ZNF485: variants seen among roughly 807,000 people sequenced by gnomAD.
ZNF485 encodes zinc finger protein 485, also known as Zinc finger protein 93 (Zinc finger protein HTF34).
In ZNF485, 9 loss-of-function variants were observed where a neutral mutation model predicts 10.8. The ratio of observed to expected loss-of-function variants is 0.83; its 90% CI spans 0.50 to 1.45. The LOEUF is 1.45. Among genes scored for constraint, ZNF485 ranks in the 40% most tolerant of loss-of-function variants. The pLI, the probability that ZNF485 is intolerant of heterozygous loss-of-function variation, is 0.00. For synonymous variants in ZNF485, 187 were observed against 181.0 expected, an observed-to-expected ratio of 1.03 and a Z score of -0.27; for missense variants, 487 against 528.0, an observed-to-expected ratio of 0.92 and a Z score of 0.76.
chr10:43,608,081 G>A (rs1838688153), intron 2 of ZNF485, among the ~76,000 whole-genome samples: 1 of 152,116 alleles, frequency 6.6e-6, no homozygotes, highest in Admixed American at 6.5e-5. Flanking sequence ...CCCAGAGTCA[G>A]ATCATACTCC....
chr10:43,616,669 CT>C lies in ZNF485; in HGVS notation c.627del (p.Arg210GlyfsTer21). ...STFINHQRIH[S>X]REKPHKCIEC... ...TTTATCAACCATCAGAGAATTCATT[CT>C]AGGGAGAAACCCCACAAATGCATTG... On this transcript the variant is annotated frameshift_variant, in exon 5 of 5. Transcript: ENST00000361807. LOFTEE classifies it low-confidence loss of function (END_TRUNC). 2 of 1,614,130 alleles carry C rather than the reference CT, an allele frequency of 1.2e-6. No homozygotes were observed. Among genetic ancestry groups the C allele is most frequent in the Non-Finnish European group, 1.7e-6 (2 of 1,180,026 alleles).
At chr10:43,606,878 C>T in intron 1 of ZNF485, 119 bp from the exon 2 acceptor site, 2 of 714,878 alleles carry the variant, frequency 2.8e-6, no homozygotes, top group Non-Finnish European at 4.8e-6. Context: ...AGCGTACCCA[C>T]CTGGACCTGT....
In ZNF485 at chr10:43,607,682, A is replaced by G. The variant is rs1838678990; in HGVS notation, c.24+608A>G. 2.0e-5 allele frequency among the ~76,000 whole-genome samples: 3 copies of G among 152,250 alleles called. No homozygotes were observed. The South Asian group carries it at 6.2e-4, about 32-fold the overall frequency. On this transcript the variant is annotated intron_variant, in intron 2 of 4. Transcript: ENST00000361807. The stretch of plus-strand genomic sequence containing the variant: ...TGATAAACATTTGAGTGTCTATTAT[A>G]CAAATAAAATTAAAAAAATTAAAGA...
chr10:43,608,677 GC>G lies in ZNF485; in HGVS notation c.89del (p.Ala30ValfsTer10), dbSNP rs1564481279. 6.2e-7 allele frequency: 1 copy of G among 1,614,128 alleles called. No homozygotes were observed. On this transcript the variant is annotated frameshift_variant, in exon 3 of 5. Transcript: ENST00000361807. LOFTEE classifies it high-confidence loss of function. ...FTRIEWRHLD[A>X]AQRALYRDVM... ...CCGGATTGAGTGGAGACACCTGGAT[GC>G]TGCTCAGCGGGCCCTGTACAGGGAT...
chr10:43,607,232 A>C, intron 2 of ZNF485, 158 bp downstream of exon 2: 1 of 793,026 alleles, frequency 1.3e-6, no homozygotes, highest in South Asian at 1.6e-5. Context: ...CCCATTACGT[A>C]GTCATTCACC....
intron 3 of ZNF485, 100 bp downstream of exon 3, chr10:43,608,840 G>A: frequency 3.4e-6 from 5 of 1,483,936 alleles, no homozygotes; most frequent in South Asian, 1.3e-5. Context: ...CTTAAATGAT[G>A]TGCTTTTTGT....
chr10:43,616,388 A>G lies in ZNF485; in HGVS notation c.345A>G (p.Glu115=), dbSNP rs1318658634. 3.7e-6 allele frequency: 6 copies of G among 1,614,166 alleles called. No homozygotes were observed. The highest frequency in any genetic ancestry group is 5.1e-6 in the Non-Finnish European group (6 of 1,180,014). Residue 115 remains glutamate (E), a synonymous_variant, in exon 5 of 5, where the codon GAA becomes GAG. Transcript: ENST00000361807. ...LGERTKSVMM[E]KGLDWEGRSS... ...AGCGAACGAAAAGTGTCATGATGGA[A>G]AAAGGCCTGGACTGGGAGGGCAGAA...
In ZNF485 at chr10:43,617,304, C is replaced by G; in HGVS notation, c.1261C>G (p.Arg421Gly). The change falls in exon 5 of 5, where the codon CGA (arginine) becomes GGA (glycine). Residue 421 changes from arginine (R) to glycine (G), a missense_variant. Transcript: ENST00000361807. ...TAATGAATGTGGGAAAGCTTTTCCCCGAAGTTCAGCCCTTAAGCAACATAA... is the reference window on the plus strand; with the variant it reads ...TAATGAATGTGGGAAAGCTTTTCCCGGAAGTTCAGCCCTTAAGCAACATAA... The part of the protein sequence containing the change: ...KCNECGKAFP[R>G]SSALKQHKKI... The G allele has an allele frequency of 6.2e-7, 1 of 1,601,700 alleles. No individual in the cohort carries two copies. The highest frequency in any genetic ancestry group is 2.2e-5 in the East Asian group (1 of 44,766).
Position 43,606,974 on chromosome 10 carries a change from C to T in ZNF485, c.-54-23C>T, listed in dbSNP as rs1256899173. On this transcript the variant is annotated intron_variant, in intron 1 of 4. Coordinates refer to ENST00000361807, the MANE Select transcript of ZNF485 (RefSeq NM_145312.4). ...AGGCTAGGGCACGGAGGGACTTCCT[C>T]AATTTCCTCTCTTCTTTCCCAGATT... The T allele has an allele frequency of 6.5e-6, 10 of 1,539,402 alleles. No homozygotes were observed. In the African/African-American group the frequency reaches 6.9e-5, roughly 11 times the overall value.
chr10:43,608,522 G>T, intron 2 of ZNF485, 92 bp from the exon 3 acceptor site: 3 of 1,497,964 alleles, frequency 2.0e-6, no homozygotes, highest in Non-Finnish European at 2.7e-6. Context: ...TGTTGGAACT[G>T]TCAGAAGCTG....
At chr10:43,615,525 C>A (rs1477607424) in intron 4 of ZNF485, among the ~76,000 whole-genome samples, 1 of 151,526 alleles carries the variant, frequency 6.6e-6, no homozygotes, top group Admixed American at 6.6e-5. Context: ...CCTCAGCCTC[C>A]CGAGTAGCTG....
rs184169372 is a variant in ZNF485, at chr10:43,613,835, A to G, written c.248-2456A>G. ...TCCTGGCTAGCACTTCCTGTGGTCA[A>G]TCTTGTGAAGTTAGTCATTCTGGTG... On this transcript the variant is annotated intron_variant, in intron 4 of 4. Transcript: ENST00000361807. 5.9e-5 allele frequency among the ~76,000 whole-genome samples: 9 copies of G among 152,312 alleles called. No homozygotes were observed. The East Asian group carries it at 9.6e-4, about 16-fold the overall frequency.
At chr10:43,607,236 A>C (rs1191886405) in intron 2 of ZNF485, 162 bp downstream of exon 2, 1 of 773,300 alleles carries the variant, frequency 1.3e-6, no homozygotes, top group African/African-American at 1.7e-5. Context: ...TTACGTAGTC[A>C]TTCACCAAGT....
rs12354886 is a variant in ZNF485 at position 43,616,797 on chromosome 10, G to A, written c.754G>A (p.Ala252Thr). Reference protein sequence around the residue: ...YKCNDCGKAFAQNAALTRHER... With the variant: ...YKCNDCGKAFTQNAALTRHER... Reference sequence around the variant, plus strand: ...ATGTAATGACTGTGGGAAAGCCTTCGCTCAGAATGCAGCTCTTACTCGTCA... The same window carrying A: ...ATGTAATGACTGTGGGAAAGCCTTCACTCAGAATGCAGCTCTTACTCGTCA... Residue 252 changes from alanine (A) to threonine (T), a missense_variant, in exon 5 of 5, where the codon GCT becomes ACT. Physicochemically the swap from Ala to Thr is moderately conservative, Grantham distance 58. Coordinates refer to ENST00000361807, the MANE Select transcript of ZNF485 (RefSeq NM_145312.4). 359,517 of 1,613,688 alleles carry A rather than the reference G, an allele frequency of 0.22. 42,162 individuals are homozygous for A. Among genetic ancestry groups the A allele is most frequent in the African/African-American group, 0.27 (20,313 of 74,926 alleles).
intron 2 of ZNF485, among the ~76,000 whole-genome samples, chr10:43,607,850 C>T (rs539219495): frequency 1.2e-4 from 19 of 152,056 alleles, no homozygotes; most frequent in African/African-American, 4.1e-4. Context: ...TTGTGGCTTC[C>T]TTTTATACTG....
At chr10:43,610,615 A>G (rs1015180075) in intron 4 of ZNF485, among the ~76,000 whole-genome samples, 1 of 152,244 alleles carries the variant, frequency 6.6e-6, no homozygotes, top group African/African-American at 2.4e-5. Context: ...TAGAATGTTT[A>G]AAACTTGGAT....
At chr10:43,609,540 C>T (rs556499503) in intron 4 of ZNF485, among the ~76,000 whole-genome samples, 190 bp downstream of exon 4, 20 of 152,226 alleles carry the variant, frequency 1.3e-4, no homozygotes, top group Non-Finnish European at 2.6e-4. Context: ...GGGCTGCTGC[C>T]TTCCTGAGGG....
At chr10:43,609,163 C>T (rs1485693224) in intron 3 of ZNF485, 92 bp from the exon 4 acceptor site, 27 of 969,120 alleles carry the variant, frequency 2.8e-5, no homozygotes, top group Non-Finnish European at 4.3e-5. Flanking sequence ...ACACTGAGGT[C>T]TGGAGTGACT....
At chr10:43,615,654 G>A (rs549108056) in intron 4 of ZNF485, among the ~76,000 whole-genome samples, 19 of 152,110 alleles carry the variant, frequency 1.2e-4, no homozygotes, top group Admixed American at 3.9e-4. Flanking sequence ...CACCCGTCTC[G>A]GCCTCCCAAA....
Sources: allele counts gnomAD v4.1 joint callset (sites outside exome capture counted in the v4.1 genomes callset), GRCh38; gene constraint gnomAD v4.1.1; transcripts MANE v1.5; gene names NCBI Gene and HGNC (gene_info 2026-07-23, HGNC 2026-07-21).